SUPT16H: variants seen among roughly 807,000 people sequenced by gnomAD.
SUPT16H encodes FACT complex subunit SPT16.
A neutral mutation model predicts 136.2 loss-of-function variants in SUPT16H; 24 were observed. The observed-to-expected ratio is 0.18, with a 90% CI of 0.13 to 0.25. The LOEUF is 0.25. Ranked by LOEUF, SUPT16H falls within the 10% of genes least tolerant of loss-of-function variation. The pLI is 1.00. For synonymous variants in SUPT16H, 415 were observed against 428.2 expected, an observed-to-expected ratio of 0.97 and a Z score of 0.38; for missense variants, 623 against 1,270.2, an observed-to-expected ratio of 0.49 and a Z score of 7.74.
rs754533043 is a variant in SUPT16H at position 21,363,284 on chromosome 14, C to T, written c.1344G>A (p.Glu448=). The part of the protein sequence containing the change: ...EEEEEEKDEA[E]DLLGRGSRAA... ...CCCGAGAACCTCTTCCCAAAAGGTC[C>T]TCTGCCTCATCTTTCTCCTCCTCCT... The change falls in exon 12 of 26, where the codon GAG becomes GAA. Residue 448 remains glutamate, a synonymous_variant. Transcript: ENST00000216297. 1.2e-6 allele frequency: 2 copies of T among 1,613,384 alleles called. No individual in the cohort carries two copies. Among genetic ancestry groups the T allele is most frequent in the Non-Finnish European group, 1.7e-6 (2 of 1,179,646 alleles).
Position 21,373,408 on chromosome 14 carries a change from T to A in SUPT16H, c.89A>T (p.Asn30Ile), listed in dbSNP as rs1268483121. The change falls in exon 2 of 26, where the codon AAC (asparagine) becomes ATC (isoleucine). Residue 30 changes from asparagine to isoleucine, a missense_variant. Physicochemically the swap from Asn to Ile is moderately radical, Grantham distance 149 (BLOSUM62 -3). Transcript: ENST00000216297. ...NWRKGEDEYA[N>I]VDAIVVSVGV... ...CACTGATACAACAATGGCATCAACG[T>A]TGGCATACTCATCTTCTCCTTTCTG... 1.2e-6 allele frequency: 2 copies of A among 1,613,982 alleles called. No individual in the cohort carries two copies. Among genetic ancestry groups the A allele is most frequent in the Admixed American group, 1.7e-5 (1 of 60,006 alleles).
intron 1 of SUPT16H, among the ~76,000 whole-genome samples, chr14:21,381,753 G>C (rs1442459251): frequency 6.6e-6 from 1 of 150,596 alleles, no homozygotes. Flanking sequence ...AGGACTATAG[G>C]CACACACCAC....
intron 1 of SUPT16H, among the ~76,000 whole-genome samples, chr14:21,376,974 G>A (rs904986695): frequency 2.0e-5 from 3 of 151,290 alleles, no homozygotes; most frequent in African/African-American, 4.9e-5. Flanking sequence ...TCGGGAGGCT[G>A]AGGCAGGAGA....
chr14:21,364,571 G>A (rs528838675), intron 10 of SUPT16H, among the ~76,000 whole-genome samples: 11 of 152,158 alleles, frequency 7.2e-5, no homozygotes, highest in East Asian at 1.9e-4. Flanking sequence ...AAGAATAACC[G>A]GTTTCATTAT....
In SUPT16H at chr14:21,364,896, G is replaced by C; in HGVS notation, c.1164C>G (p.Asn388Lys). 1.2e-6 allele frequency: 2 copies of C among 1,613,724 alleles called. No homozygotes were observed. The highest frequency in any genetic ancestry group is 1.7e-6 in the Non-Finnish European group (2 of 1,180,008). ...TCTCTTCTGGCTTTTTCCCCTCCTT[G>C]TTAGTCAGGTCTGAGAATCCTAAAT... ...SINLGFSDLT[N>K]KEGKKPEEKT... Residue 388 changes from asparagine (N) to lysine (K), a missense_variant, in exon 10 of 26, where the codon AAC becomes AAG. Asn to Lys is a moderately conservative substitution (Grantham distance 94). Around this residue, in one of 7 missense-constraint regions of SUPT16H, gnomAD observed 343 missense variants for 525.7 expected, o/e 0.65. Transcript: ENST00000216297.
chr14:21,353,907 A>G (rs1215780950), intron 23 of SUPT16H, 75 bp from the exon 24 acceptor site: 2 of 1,407,050 alleles, frequency 1.4e-6, no homozygotes, highest in Non-Finnish European at 1.9e-6. Flanking sequence ...TTCAGCCCAC[A>G]TAGTATACCA....
chr14:21,362,734 A>C, intron 14 of SUPT16H, 60 bp downstream of exon 14: 1 of 1,530,928 alleles, frequency 6.5e-7, no homozygotes, highest in Non-Finnish European at 8.7e-7. Context: ...ATTTATGGCA[A>C]ATACAATTAC....
rs1194915985 is a variant in SUPT16H at position 21,354,552 on chromosome 14, G to C, written c.2661-12C>G. The C allele has an allele frequency of 6.2e-7, 1 of 1,612,288 alleles. No homozygotes were observed. The highest frequency in any genetic ancestry group is 8.5e-7 in the Non-Finnish European group (1 of 1,179,370). ...TCAGGTCGCAGGAACTAAGAGAAATGACATGACAAAGTCAAATCAATCTTC... is the reference window on the plus strand; with the variant it reads ...TCAGGTCGCAGGAACTAAGAGAAATCACATGACAAAGTCAAATCAATCTTC... On this transcript the variant is annotated splice_polypyrimidine_tract_variant and intron_variant, in intron 22 of 25. Transcript: ENST00000216297.
Position 21,370,481 on chromosome 14 carries a change from C to T in SUPT16H, c.338G>A (p.Ser113Asn), listed in dbSNP as rs780214689. Reference protein sequence around the residue: ...ITLLIREKNESNKSSFDKMIE... With the variant: ...ITLLIREKNENNKSSFDKMIE... ...CATTTTGTCAAAGCTACTCTTATTA[C>T]TTTCATTCTGTCAGTGTCATAGGGA... The change falls in exon 4 of 26, where the codon AGT becomes AAT. Residue 113 changes from serine (S) to asparagine (N), a missense_variant. Around this residue, in one of 7 missense-constraint regions of SUPT16H, gnomAD observed 343 missense variants for 525.7 expected, o/e 0.65. Coordinates refer to ENST00000216297, the MANE Select transcript of SUPT16H (RefSeq NM_007192.4). The T allele has an allele frequency of 6.2e-7, 1 of 1,613,862 alleles. No homozygotes were observed. The highest frequency in any genetic ancestry group is 1.3e-5 in the African/African-American group (1 of 74,918).
rs372833590 is a variant in SUPT16H at position 21,362,821 on chromosome 14, T to G, written c.1638A>C (p.Ala546=). ...TGATTGTGGCAATGTGAAACGGTGT[T>G]GCAATGCCAAACACGGGCATTATTA... The part of the protein sequence containing the change: ...ETVIMPVFGI[A]TPFHIATIKN... Residue 546 remains alanine, a synonymous_variant, in exon 14 of 26, where the codon GCA becomes GCC. Transcript: ENST00000216297. The G allele has an allele frequency of 6.2e-7, 1 of 1,610,778 alleles. No individual in the cohort carries two copies. The highest frequency in any genetic ancestry group is 8.5e-7 in the Non-Finnish European group (1 of 1,179,220).
chr14:21,383,480 G>A (rs1887086383), intron 1 of SUPT16H: 1 of 576,256 alleles, frequency 1.7e-6, no homozygotes, highest in South Asian at 2.1e-5. Flanking sequence ...GGGACCAGGG[G>A]TGGAATATTG....
intron 14 of SUPT16H, among the ~76,000 whole-genome samples, chr14:21,362,578 T>C (rs940090940): frequency 1.3e-5 from 2 of 152,170 alleles, no homozygotes; most frequent in Admixed American, 1.3e-4. Flanking sequence ...GAAAGAAAGA[T>C]AGGCAAATTA....
intron 1 of SUPT16H, among the ~76,000 whole-genome samples, chr14:21,373,695 G>T (rs1886836769): frequency 6.6e-6 from 1 of 152,104 alleles, no homozygotes; most frequent in Non-Finnish European, 1.5e-5. Context: ...CAAACGTCCT[G>T]TGTAATTCAA....
rs1887114451 is a variant in SUPT16H, at chr14:21,383,957, C to T, written c.-30G>A. 1.2e-6 allele frequency: 2 copies of T among 1,612,022 alleles called. No homozygotes were observed. The highest frequency in any genetic ancestry group is 1.7e-6 in the Non-Finnish European group (2 of 1,179,910). On this transcript the variant is annotated 5_prime_UTR_variant, in exon 1 of 26. Coordinates refer to ENST00000216297, the MANE Select transcript of SUPT16H (RefSeq NM_007192.4). ...CCGGACGCCGCTTCTCCTCGGGTTC[C>T]GAGAATCACGCGAGGTCCCGGCTCA...
At chr14:21,379,543 C>T (rs1173412105) in intron 1 of SUPT16H, among the ~76,000 whole-genome samples, 2 of 151,744 alleles carry the variant, frequency 1.3e-5, no homozygotes, top group East Asian at 1.9e-4. Context: ...TCTAACCCTC[C>T]TTACTCAGCA....
chr14:21,375,652 G>A (rs1201473598), intron 1 of SUPT16H, among the ~76,000 whole-genome samples: 1 of 152,166 alleles, frequency 6.6e-6, no homozygotes, highest in South Asian at 2.1e-4. Flanking sequence ...GGAGTGCAGT[G>A]GCACGATCTC....
intron 23 of SUPT16H, 121 bp downstream of exon 23, chr14:21,354,290 T>G (rs1406534890): frequency 8.9e-7 from 1 of 1,119,416 alleles, no homozygotes; most frequent in East Asian, 2.7e-5. Flanking sequence ...TAATATCAAG[T>G]GGTGTTTAGA....
intron 22 of SUPT16H, chr14:21,355,017 G>C (rs1174683752): frequency 6.5e-6 from 1 of 152,946 alleles, no homozygotes; most frequent in Non-Finnish European, 1.5e-5. Context: ...TCCTTCACCT[G>C]AGTCTGAGCT....
At chr14:21,357,006 T>G (rs1193440248) in intron 22 of SUPT16H, among the ~76,000 whole-genome samples, 191 bp downstream of exon 22, 1 of 152,188 alleles carries the variant, frequency 6.6e-6, no homozygotes, top group Non-Finnish European at 1.5e-5. Flanking sequence ...CAAGCTATTG[T>G]TGGGAATTCA....
Sources: gnomAD v4.1 joint callset for allele counts (sites outside exome capture counted in the v4.1 genomes callset) on GRCh38, gnomAD v4.1.1 for gene constraint, gnomAD v4.1.1 regional missense constraint, MANE v1.5 for transcripts, NCBI Gene and HGNC (gene_info 2026-07-23, HGNC 2026-07-21) for gene names.